The following PROM1 variants were observed in gnomAD, a reference collection of about 807,000 sequenced individuals.
PROM1 encodes the protein prominin 1, also known as prominin-1.
In PROM1, 105 loss-of-function variants were observed where a neutral mutation model predicts 116.9. The observed-to-expected ratio is 0.90, with a 90% confidence interval of 0.77 to 1.06. PROM1 has a LOEUF of 1.06. Among genes scored for constraint, PROM1 ranks in the 50% least tolerant of loss-of-function variants. PROM1 has a pLI of 0.00. For synonymous variants in PROM1, 393 were observed against 387.0 expected (o/e 1.02, Z -0.18); for missense variants, 1,122 against 1,045.2 (o/e 1.07, Z -1.01).
chr4:15,980,859 C>T (rs1332505122), intron 23 of PROM1, among the ~76,000 whole-genome samples: 2 of 152,054 alleles, frequency 1.3e-5, no homozygotes, highest in Non-Finnish European at 2.9e-5. Flanking sequence ...TCTAACCACC[C>T]CAAACAGATT....
intron 2 of PROM1, among the ~76,000 whole-genome samples, chr4:16,057,648 ATCT>A (rs969501626): frequency 2.0e-5 from 3 of 152,176 alleles, no homozygotes; most frequent in Non-Finnish European, 2.9e-5. Flanking sequence ...GGGAAAACAG[ATCT>A]TCTCTATTTC....
chr4:16,041,693 A>G (rs1345138849), intron 2 of PROM1, among the ~76,000 whole-genome samples: 2 of 151,694 alleles, frequency 1.3e-5, no homozygotes, highest in African/African-American at 4.8e-5. Context: ...AGTTCAACTA[A>G]GCCACAGTTA....
chr4:15,982,217 A>T (rs141756706), intron 23 of PROM1, among the ~76,000 whole-genome samples: 56 of 152,256 alleles, frequency 3.7e-4, no homozygotes, highest in African/African-American at 1.3e-3. Context: ...TCCCCAGCCC[A>T]CCATGAGGCC....
chr4:16,076,958 C>T (rs1744078042), intron 1 of PROM1, among the ~76,000 whole-genome samples: 1 of 152,102 alleles, frequency 6.6e-6, no homozygotes, highest in African/African-American at 2.4e-5. Context: ...TGCGGAAGGC[C>T]GGAAGACCGC....
At chr4:15,987,112 G>A (rs560532405) in intron 20 of PROM1, among the ~76,000 whole-genome samples, 2 of 152,382 alleles carry the variant, frequency 1.3e-5, no homozygotes, top group African/African-American at 4.8e-5. Context: ...GACGATGTGT[G>A]TGACCATGTG....
intron 2 of PROM1, among the ~76,000 whole-genome samples, chr4:16,050,189 A>G (rs2149465907): frequency 6.6e-6 from 1 of 151,190 alleles, no homozygotes; most frequent in South Asian, 2.1e-4. Flanking sequence ...TGAACCCGGG[A>G]GTCAGAGGTT....
intron 18 of PROM1, 41 bp downstream of exon 18, chr4:15,991,181 C>T (rs776697089): frequency 2.0e-6 from 3 of 1,530,620 alleles, no homozygotes; most frequent in Non-Finnish European, 2.7e-6. Context: ...CATTTGACAT[C>T]TACAACTACT....
chr4:16,076,929 T>G lies in PROM1; in HGVS notation c.-212-811A>C, dbSNP rs191052452. Among the ~76,000 whole-genome samples the G allele has an allele frequency of 2.3e-3, 350 of 152,360 alleles. 4 individuals carry two copies. The highest frequency in any genetic ancestry group is 8.0e-3 in the African/African-American group (333 of 41,590). On this transcript the variant is annotated intron_variant, in intron 1 of 27. Coordinates refer to ENST00000447510, the MANE Select transcript of PROM1 (RefSeq NM_006017.3). Reference sequence around the variant, plus strand: ...GTCATCACCACTCCCTAATCTCAACTACCCAGGGACACAAACATTGCGGAA... The same window carrying G: ...GTCATCACCACTCCCTAATCTCAACGACCCAGGGACACAAACATTGCGGAA...
intron 5 of PROM1, among the ~76,000 whole-genome samples, chr4:16,030,299 T>C (rs1004885967): frequency 6.6e-6 from 1 of 152,212 alleles, no homozygotes; most frequent in South Asian, 2.1e-4. Context: ...TTATAATTTA[T>C]ACATAAATTC....
chr4:15,989,902 T>C, intron 18 of PROM1, 78 bp from the exon 19 acceptor site: 1 of 1,167,764 alleles, frequency 8.6e-7, no homozygotes, highest in South Asian at 1.4e-5. Flanking sequence ...AGGGGCCCTG[T>C]GTAGCCAGGA....
intron 27 of PROM1, 39 bp downstream of exon 27, chr4:15,971,004 A>G: frequency 1.3e-6 from 2 of 1,487,488 alleles, no homozygotes; most frequent in Middle Eastern, 1.9e-4. Flanking sequence ...TAAAAACTAT[A>G]GTCCTGTAGA....
intron 26 of PROM1, among the ~76,000 whole-genome samples, chr4:15,978,979 GAAGGAAGGAAAA>G (rs1459354629): frequency 6.7e-6 from 1 of 150,152 alleles, no homozygotes; most frequent in Non-Finnish European, 1.5e-5. Context: ...TAATTTATTG[GAAGGAAGGAAAA>G]AAGGAAGGAA....
chr4:15,996,484 C>T (rs542132267), intron 15 of PROM1, among the ~76,000 whole-genome samples: 6 of 151,288 alleles, frequency 4.0e-5, no homozygotes, highest in East Asian at 1.9e-4. Context: ...CACTCCAGCC[C>T]GGGTGATAGA....
intron 11 of PROM1, among the ~76,000 whole-genome samples, chr4:16,009,491 G>A (rs535373683): frequency 6.6e-6 from 1 of 152,296 alleles, no homozygotes; most frequent in South Asian, 2.1e-4. Context: ...TTTGCTAACA[G>A]CGACCCGGAG....
At chr4:16,044,704 A>C (rs924676790) in intron 2 of PROM1, among the ~76,000 whole-genome samples, 14 of 152,260 alleles carry the variant, frequency 9.2e-5, no homozygotes, top group African/African-American at 3.1e-4. Flanking sequence ...TTGTACATGC[A>C]TCATTTTTGT....
intron 13 of PROM1, among the ~76,000 whole-genome samples, chr4:16,004,905 CCCTTCCTT>C (rs147785330): frequency 2.4e-4 from 27 of 114,462 alleles, no homozygotes; most frequent in African/African-American, 5.0e-4. Context: ...CTCTCTCTCT[CCCTTCCTT>C]CCTTCCTTCC....
At chr4:16,061,200 G>GC (rs5856332) in intron 2 of PROM1, among the ~76,000 whole-genome samples, 60,068 of 151,930 alleles carry the variant, frequency 0.4, 13,045 homozygotes, top group Non-Finnish European at 0.49. Context: ...GAAAAATGGA[G>GC]CCCCCCACTG....
chr4:16,010,143 C>T (rs2149257160), intron 11 of PROM1, among the ~76,000 whole-genome samples: 1 of 152,236 alleles, frequency 6.6e-6, no homozygotes, highest in East Asian at 1.9e-4. Context: ...TGGCCAGTTT[C>T]TTTTGCTCAG....
intron 7 of PROM1, among the ~76,000 whole-genome samples, chr4:16,023,906 T>G (rs1052348224): frequency 6.6e-6 from 1 of 152,188 alleles, no homozygotes. Context: ...AACCGTGGCA[T>G]GCAGGGTTGA....
Sources: gnomAD v4.1 joint callset for allele counts (sites outside exome capture counted in the v4.1 genomes callset) on GRCh38, gnomAD v4.1.1 for gene constraint, MANE v1.5 for transcripts, NCBI Gene and HGNC (gene_info 2026-07-23, HGNC 2026-07-21) for gene names.